The following CPED1 variants were observed in gnomAD, a reference collection of about 807,000 sequenced individuals.
CPED1 encodes cadherin like and PC-esterase domain containing 1.
In CPED1, 114 loss-of-function variants were observed where a neutral mutation model predicts 128.2. The observed-to-expected ratio is 0.89, with a 90% CI of 0.76 to 1.04. The LOEUF is 1.04. Among genes scored for constraint, CPED1 ranks in the 50% least tolerant of loss-of-function variants. The pLI, the probability that CPED1 is intolerant of heterozygous loss-of-function variation, is 0.00. For synonymous variants in CPED1, 462 were observed against 426.7 expected (o/e 1.08, Z -1.02); for missense variants, 1,211 against 1,207.1 (o/e 1.00, Z -0.05).
Position 121,099,942 on chromosome 7 carries a change from C to T in CPED1, c.766C>T (p.Leu256Phe), listed in dbSNP as rs746509670. The stretch of plus-strand genomic sequence containing the variant: ...TTTTTTTAGGAATGAAACGACAGTC[C>T]TTGCTCCACATGAAACAATCTTTCG... ...SREQLNETTV[L>F]APHETIFRAE... is the part of the protein sequence containing the mutation. Residue 256 changes from leucine (L) to phenylalanine (F), a missense_variant, in exon 7 of 23, where the codon CTT becomes TTT. By Grantham distance (22) the Leu-to-Phe change is conservative. Transcript: ENST00000310396. 14 of 1,611,416 alleles carry T rather than the reference C, an allele frequency of 8.7e-6. No homozygotes were observed. The Admixed American group carries it at 2.3e-4, about 27-fold the overall frequency.
chr7:121,009,990 G>T (rs145722993), intron 2 of CPED1, among the ~76,000 whole-genome samples: 88 of 152,098 alleles, frequency 5.8e-4, no homozygotes, highest in African/African-American at 1.9e-3. Context: ...TCATTCATTT[G>T]CTCATTTATT....
rs772367803 is a variant in CPED1, at chr7:121,295,470, A to C, written c.2899A>C (p.Asn967His). The change falls in exon 23 of 23, where the codon AAC (asparagine) becomes CAC (histidine). Residue 967 changes from asparagine to histidine, a missense_variant. Asn to His is a moderately conservative substitution (Grantham distance 68). Transcript: ENST00000310396. ...VVKSKLSKEY[N>H]FIKMKRSRNH... is the part of the protein sequence containing the mutation. ...GAAATCAAAGTTATCCAAAGAATATAACTTTATTAAAATGAAAAGATCAAG... is the reference window on the plus strand; with the variant it reads ...GAAATCAAAGTTATCCAAAGAATATCACTTTATTAAAATGAAAAGATCAAG... The C allele has an allele frequency of 1.9e-6, 3 of 1,613,352 alleles. No homozygotes were observed. The highest frequency in any genetic ancestry group is 2.2e-5 in the East Asian group (1 of 44,774).
At position 121,130,253 on chromosome 7, in the gene CPED1, T is replaced by C; in HGVS notation, c.1536T>C (p.Phe512=). The C allele has an allele frequency of 6.2e-7, 1 of 1,609,044 alleles. No homozygotes were observed. Among genetic ancestry groups the C allele is most frequent in the Admixed American group, 1.7e-5 (1 of 59,254 alleles). The change falls in exon 12 of 23, where the codon TTT becomes TTC. Residue 512 remains phenylalanine (F), a synonymous_variant. Transcript: ENST00000310396. ...CTCTTTTAAATGTATTTGAACAATT[T>C]CAGTTCATGAATAAAAAGACACAGC... is the stretch of plus-strand genomic sequence containing the variant. The part of the protein sequence containing the change: ...YWSLLNVFEQ[F]QFMNKKTQPH...
chr7:121,036,978 G>C (rs1222338192), intron 3 of CPED1, among the ~76,000 whole-genome samples: 1 of 151,922 alleles, frequency 6.6e-6, no homozygotes, highest in Non-Finnish European at 1.5e-5. Context: ...CCCACTTTTT[G>C]ATGGGACTGT....
intron 16 of CPED1, among the ~76,000 whole-genome samples, chr7:121,183,751 T>C (rs1796945027): frequency 6.6e-6 from 1 of 152,214 alleles, no homozygotes; most frequent in African/African-American, 2.4e-5. Flanking sequence ...TGGTTTATAA[T>C]ATAAACTGAG....
intron 18 of CPED1, chr7:121,261,865 C>T (rs2116736595): frequency 1.4e-6 from 1 of 713,544 alleles, no homozygotes; most frequent in South Asian, 1.8e-5. Flanking sequence ...GACTATGCAA[C>T]CAAGAAACTG....
At chr7:121,060,908 C>T (rs994938410) in intron 4 of CPED1, among the ~76,000 whole-genome samples, 1 of 152,208 alleles carries the variant, frequency 6.6e-6, no homozygotes, top group Non-Finnish European at 1.5e-5. Flanking sequence ...CGAAGATCTG[C>T]AGCTTCACTC....
intron 2 of CPED1, among the ~76,000 whole-genome samples, chr7:120,991,663 A>G (rs1463080900): frequency 6.6e-6 from 1 of 152,208 alleles, no homozygotes; most frequent in African/African-American, 2.4e-5. Context: ...GCTGTCATAG[A>G]AAATTCGATT....
chr7:121,236,758 G>T lies in CPED1; in HGVS notation c.2100G>T (p.Gln700His). The change falls in exon 17 of 23, where the codon CAG (glutamine) becomes CAT (histidine). Residue 700 changes from glutamine to histidine, a missense_variant. By Grantham distance (24) the Gln-to-His change is conservative. Transcript: ENST00000310396. ...ATCCAGAGGAAACCTGTGGGTTACAGCCTATTTCTTCTGACTACATTGAAG... is the reference window on the plus strand; with the variant it reads ...ATCCAGAGGAAACCTGTGGGTTACATCCTATTTCTTCTGACTACATTGAAG... Reference protein sequence around the residue: ...LIHPEETCGLQPISSDYIEAI... With the variant: ...LIHPEETCGLHPISSDYIEAI... 6.2e-7 allele frequency: 1 copy of T among 1,609,866 alleles called. No individual in the cohort carries two copies. The highest frequency in any genetic ancestry group is 8.5e-7 in the Non-Finnish European group (1 of 1,178,288).
At chr7:121,097,980 A>G (rs561681045) in intron 6 of CPED1, 149 bp downstream of exon 6, 49 of 741,212 alleles carry the variant, frequency 6.6e-5, no homozygotes, top group Non-Finnish European at 9.3e-5. Context: ...TTAAATAAAG[A>G]ATGCCATCAT....
intron 7 of CPED1, among the ~76,000 whole-genome samples, chr7:121,123,579 C>G (rs1795436550): frequency 6.6e-6 from 1 of 152,130 alleles, no homozygotes; most frequent in African/African-American, 2.4e-5. Flanking sequence ...GAAGCATCCT[C>G]AAGAGGTAGT....
intron 7 of CPED1, among the ~76,000 whole-genome samples, chr7:121,100,432 C>T (rs938845530): frequency 6.6e-6 from 1 of 152,086 alleles, no homozygotes; most frequent in African/African-American, 2.4e-5. Flanking sequence ...GTCAAGGCAA[C>T]AAATGAAAAT....
intron 5 of CPED1, among the ~76,000 whole-genome samples, chr7:121,075,024 T>C (rs1204333611): frequency 6.6e-6 from 1 of 152,182 alleles, no homozygotes; most frequent in Non-Finnish European, 1.5e-5. Flanking sequence ...CAATCTGTGG[T>C]ACACATCAAG....
intron 3 of CPED1, among the ~76,000 whole-genome samples, chr7:121,038,540 C>T (rs977645821): frequency 2.6e-5 from 4 of 152,104 alleles, no homozygotes; most frequent in African/African-American, 9.7e-5. Context: ...TGTCTAGTTA[C>T]TACCACATAA....
chr7:121,183,325 T>C (rs1796937837), intron 16 of CPED1, among the ~76,000 whole-genome samples: 1 of 152,168 alleles, frequency 6.6e-6, no homozygotes, highest in Non-Finnish European at 1.5e-5. Context: ...TTCAAAACAT[T>C]TGAAATCTAG....
intron 16 of CPED1, among the ~76,000 whole-genome samples, chr7:121,205,960 T>C (rs1424621420): frequency 6.6e-6 from 1 of 152,046 alleles, no homozygotes; most frequent in Non-Finnish European, 1.5e-5. Flanking sequence ...GTTCATTCCA[T>C]GGACAGGGAA....
intron 22 of CPED1, among the ~76,000 whole-genome samples, chr7:121,272,303 G>C (rs913643735): frequency 6.6e-6 from 1 of 152,062 alleles, no homozygotes; most frequent in Non-Finnish European, 1.5e-5. Context: ...GTAGAGACGG[G>C]ATGCTAAGGA....
intron 20 of CPED1, 108 bp downstream of exon 20, chr7:121,266,916 T>A: frequency 1.3e-6 from 1 of 776,422 alleles, no homozygotes; most frequent in Non-Finnish European, 2.2e-6. Flanking sequence ...TTATAATTTA[T>A]CATTAAGTAC....
intron 16 of CPED1, among the ~76,000 whole-genome samples, chr7:121,194,042 A>ATTTTTT (rs1438530189): frequency 9.3e-6 from 1 of 107,364 alleles, no homozygotes; most frequent in African/African-American, 3.8e-5. Context: ...ATATATATAT[A>ATTTTTT]TATATATTTT....
Sources: allele counts gnomAD v4.1 joint callset (sites outside exome capture counted in the v4.1 genomes callset), GRCh38; gene constraint gnomAD v4.1.1; transcripts MANE v1.5; gene names NCBI Gene and HGNC (gene_info 2026-07-23, HGNC 2026-07-21).